Variants in PKIB observed in about 807,000 individuals in gnomAD.
The protein encoded by PKIB is cAMP-dependent protein kinase inhibitor beta.
Under a neutral mutation model 4.5 loss-of-function variants are expected in PKIB, and 2 were observed. The observed-to-expected ratio is 0.44, with a 90% confidence interval of 0.18 to 1.39. The LOEUF is 1.39. Ranked by LOEUF, PKIB falls within the 40% of genes most tolerant of loss-of-function variation. The probability of loss-of-function intolerance (pLI) is 0.27; values close to 1 mark genes in which losing one functional copy is unlikely to be tolerated. For synonymous variants in PKIB, 38 were observed against 36.0 expected (o/e 1.06, Z -0.20); for missense variants, 94 against 92.6 (o/e 1.02, Z -0.06).
At chr6:122,624,603 C>A (rs1161249693) in intron 1 of PKIB, among the ~76,000 whole-genome samples, 3 of 152,074 alleles carry the variant, frequency 2.0e-5, no homozygotes, top group African/African-American at 4.8e-5. Context: ...AAGGAATGGT[C>A]ATTTAATCAT....
intron 1 of PKIB, among the ~76,000 whole-genome samples, chr6:122,623,582 C>G (rs1775320822): frequency 6.6e-6 from 1 of 152,112 alleles, no homozygotes; most frequent in South Asian, 2.1e-4. Context: ...AGGCATGGCT[C>G]TGTTCTGTAT....
At chr6:122,695,543 A>G (rs572584040) in intron 3 of PKIB, among the ~76,000 whole-genome samples, 38 of 152,298 alleles carry the variant, frequency 2.5e-4, no homozygotes, top group Admixed American at 2.1e-3. Flanking sequence ...GGTTCGCTGA[A>G]ACACTATGGT....
chr6:122,496,199 A>G (rs191621590), intron 2 of PKIB, among the ~76,000 whole-genome samples: 2 of 152,330 alleles, frequency 1.3e-5, no homozygotes, highest in Admixed American at 6.5e-5. Flanking sequence ...AGGTCAAACC[A>G]CATGGCATAG....
At position 122,513,654 on chromosome 6, in the gene PKIB, A is replaced by G. The variant is rs141764148; in HGVS notation, c.-248+35715A>G. The stretch of plus-strand genomic sequence containing the variant: ...TTCCCTCCCCTGTCTAGTAGTTCAC[A>G]GTGTTTATTGTCCCGATCTTTAGTT... On this transcript the variant is annotated intron_variant, in intron 2 of 6. Coordinates refer to the PKIB transcript ENST00000392491. Among the ~76,000 whole-genome samples the G allele has an allele frequency of 5.4e-4, 82 of 152,158 alleles. 1 individual carries two copies. In the East Asian group the frequency reaches 8.1e-3, roughly 15 times the overall value.
chr6:122,717,651 C>T, intron 3 of PKIB, 136 bp from the exon 4 acceptor site: 1 of 832,310 alleles, frequency 1.2e-6, no homozygotes, highest in Non-Finnish European at 1.9e-6. Context: ...TAACAGTAGA[C>T]ATTGATGAAG....
chr6:122,521,470 G>A (rs1412848748), intron 2 of PKIB, among the ~76,000 whole-genome samples: 3 of 152,014 alleles, frequency 2.0e-5, no homozygotes, highest in Non-Finnish European at 4.4e-5. Context: ...CACGAGGTCA[G>A]GAGATCGAGA....
chr6:122,724,803 A>G (rs1779891333), intron 4 of PKIB, among the ~76,000 whole-genome samples: 1 of 152,178 alleles, frequency 6.6e-6, no homozygotes, highest in South Asian at 2.1e-4. Context: ...CCCAAGCTCA[A>G]GTTGTGACTG....
At chr6:122,524,345 C>CCTCCTCCTCCTCCTCCTCTTTTTCTT (rs1777037353) in intron 2 of PKIB, among the ~76,000 whole-genome samples, 1 of 143,650 alleles carries the variant, frequency 7.0e-6, no homozygotes, top group Non-Finnish European at 1.5e-5. Flanking sequence ...TCTTCTTCTT[C>CCTCCTCCTCCTCCTCCTCTTTTTCTT]CTCCTCCTCC....
chr6:122,473,625 C>T (rs975629403), intron 1 of PKIB, among the ~76,000 whole-genome samples: 5 of 152,128 alleles, frequency 3.3e-5, no homozygotes, highest in Non-Finnish European at 5.9e-5. Context: ...GAAGAGTCTT[C>T]GACACCAGTC....
intron 2 of PKIB, among the ~76,000 whole-genome samples, chr6:122,635,791 T>A (rs894431217): frequency 1.5e-4 from 23 of 152,048 alleles, no homozygotes; most frequent in Non-Finnish European, 7.4e-5. Flanking sequence ...AAAATGCAAC[T>A]ATATTACTTT....
At chr6:122,498,364 C>T (rs147833828) in intron 2 of PKIB, among the ~76,000 whole-genome samples, 1 of 152,206 alleles carries the variant, frequency 6.6e-6, no homozygotes, top group Non-Finnish European at 1.5e-5. Context: ...AAGACCTGCC[C>T]CCATAATTCA....
intron 2 of PKIB, among the ~76,000 whole-genome samples, chr6:122,547,550 C>G (rs1582690968): frequency 6.6e-6 from 1 of 152,050 alleles, no homozygotes; most frequent in Non-Finnish European, 1.5e-5. Flanking sequence ...GTTGGCCAGG[C>G]TGGTCTCGAA....
chr6:122,515,542 CA>C (rs1776721352), intron 2 of PKIB, among the ~76,000 whole-genome samples: 1 of 152,092 alleles, frequency 6.6e-6, no homozygotes, highest in Non-Finnish European at 1.5e-5. Context: ...ACTTGAAGAA[CA>C]AAGCATTTAT....
chr6:122,630,736 T>C (rs1562277301), intron 1 of PKIB, among the ~76,000 whole-genome samples: 2 of 152,342 alleles, frequency 1.3e-5, no homozygotes, highest in Non-Finnish European at 2.9e-5. Flanking sequence ...ATCAGCCTGA[T>C]AAAATCGGTA....
At chr6:122,680,437 A>C (rs183664835) in intron 3 of PKIB, among the ~76,000 whole-genome samples, 10 of 152,282 alleles carry the variant, frequency 6.6e-5, no homozygotes, top group Admixed American at 5.9e-4. Context: ...CTTCAGACCT[A>C]TGGTTGAATG....
chr6:122,687,193 A>G (rs1778129079), intron 3 of PKIB, among the ~76,000 whole-genome samples: 1 of 152,154 alleles, frequency 6.6e-6, no homozygotes, highest in African/African-American at 2.4e-5. Flanking sequence ...ATGGATATCC[A>G]GTTTTCCTAG....
chr6:122,701,549 T>C, intron 3 of PKIB: 2 of 1,576,586 alleles, frequency 1.3e-6, no homozygotes, highest in Non-Finnish European at 1.7e-6. Context: ...ATTGCAGAGT[T>C]AAAAGAGATG....
At chr6:122,625,700 G>T (rs972648821) in intron 1 of PKIB, among the ~76,000 whole-genome samples, 1 of 151,866 alleles carries the variant, frequency 6.6e-6, no homozygotes, top group Admixed American at 6.6e-5. Context: ...TGAAAATGTA[G>T]CAGTTGCCAA....
intron 2 of PKIB, among the ~76,000 whole-genome samples, chr6:122,547,510 G>A (rs1357186357): frequency 6.6e-6 from 1 of 151,916 alleles, no homozygotes; most frequent in African/African-American, 2.4e-5. Context: ...TAATTTTTTT[G>A]TATTTTTAGT....
Sources: allele counts gnomAD v4.1 joint callset (sites outside exome capture counted in the v4.1 genomes callset), GRCh38; gene constraint gnomAD v4.1.1; transcripts MANE v1.5; gene names NCBI Gene and HGNC (gene_info 2026-07-23, HGNC 2026-07-21).